The following SEC24A variants were observed in gnomAD, a reference collection of about 807,000 sequenced individuals.
The protein encoded by SEC24A is SEC24 homolog A, COPII component.
SEC24A carries 93 observed loss-of-function variants against 129.4 expected under a neutral mutation model. The observed-to-expected ratio is 0.72, with a 90% CI of 0.61 to 0.85. The LOEUF is 0.85. SEC24A is among the 40% of genes least tolerant of loss of function. SEC24A has a pLI of 0.00. For synonymous variants in SEC24A, 460 were observed against 467.3 expected, an observed-to-expected ratio of 0.98 and a Z score of 0.20; for missense variants, 1,264 against 1,307.4, an observed-to-expected ratio of 0.97 and a Z score of 0.51.
chr5:134,713,448 C>A (rs1369774888), intron 18 of SEC24A, among the ~76,000 whole-genome samples: 1 of 151,970 alleles, frequency 6.6e-6, no homozygotes, highest in Non-Finnish European at 1.5e-5. Flanking sequence ...ACATATTTTG[C>A]TTATTTTTAT....
intron 5 of SEC24A, 97 bp from the exon 6 acceptor site, chr5:134,674,948 A>G (rs1751006380): frequency 8.3e-7 from 1 of 1,198,314 alleles, no homozygotes; most frequent in Non-Finnish European, 1.1e-6. Flanking sequence ...AAGATTGGCC[A>G]AGAGATCTAG....
intron 15 of SEC24A, among the ~76,000 whole-genome samples, chr5:134,701,700 G>A (rs570474021): frequency 1.2e-3 from 183 of 151,778 alleles, no homozygotes; most frequent in African/African-American, 4.2e-3. Context: ...TAGTAGAGAC[G>A]GAGTTTCACC....
chr5:134,696,305 G>A (rs1011190879), intron 13 of SEC24A, among the ~76,000 whole-genome samples: 1 of 151,602 alleles, frequency 6.6e-6, no homozygotes, highest in African/African-American at 2.4e-5. Flanking sequence ...GAAAATGATA[G>A]CACTTACCTC....
intron 2 of SEC24A, among the ~76,000 whole-genome samples, chr5:134,662,883 A>G (rs1438219050): frequency 6.6e-6 from 1 of 152,158 alleles, no homozygotes; most frequent in East Asian, 1.9e-4. Flanking sequence ...GTGTGGTCCC[A>G]GCTACTCGGG....
At position 134,667,007 on chromosome 5, in the gene SEC24A, C is replaced by G. The variant is rs1374185176; in HGVS notation, c.739+11C>G. The G allele has an allele frequency of 2.0e-6, 3 of 1,531,530 alleles. No homozygotes were observed. Among genetic ancestry groups the G allele is most frequent in the Non-Finnish European group, 2.6e-6 (3 of 1,143,410 alleles). The allele number at this position is 1,531,530 out of a possible 1,614,324, so 94.9% of individuals were successfully genotyped here. A position where few individuals can be genotyped will look rare whatever the true frequency, so the allele number is the denominator to read the frequency against. ...CTGTCAACCAAGAAGGTAAGTGAAC[C>G]AAGAAACAAAGTCAAATCCTCAAGT... On this transcript the variant is annotated intron_variant, in intron 3 of 22. Coordinates refer to ENST00000398844, the MANE Select transcript of SEC24A (RefSeq NM_021982.3).
In SEC24A at chr5:134,727,166, C is replaced by G. The variant is rs991646820; in HGVS notation, c.*2072C>G. 2 of 151,968 alleles carry G rather than the reference C, an allele frequency of 1.3e-5. No individual in the cohort carries two copies. Among genetic ancestry groups the G allele is most frequent in the African/African-American group, 4.8e-5 (2 of 41,284 alleles). 9.4% of individuals were successfully genotyped at this position (151,968 alleles called of 1,614,324 possible). On this transcript the variant is annotated 3_prime_UTR_variant, in exon 23 of 23. Coordinates refer to ENST00000398844, the MANE Select transcript of SEC24A (RefSeq NM_021982.3). ...TTAGTTTGATTCTTTTTTTTTCCCCCAATAGGGCACTACCTGCCATATCAT... is the reference window on the plus strand; with the variant it reads ...TTAGTTTGATTCTTTTTTTTTCCCCGAATAGGGCACTACCTGCCATATCAT...
chr5:134,692,252 G>A (rs1378941452), intron 11 of SEC24A, among the ~76,000 whole-genome samples: 1 of 151,928 alleles, frequency 6.6e-6, no homozygotes, highest in Admixed American at 6.6e-5. Context: ...TTACTGTGTT[G>A]CCCAGGCTGG....
intron 13 of SEC24A, among the ~76,000 whole-genome samples, chr5:134,694,372 A>G (rs1199440719): frequency 1.3e-5 from 2 of 152,154 alleles, no homozygotes; most frequent in Non-Finnish European, 2.9e-5. Flanking sequence ...CTAAAAATAC[A>G]AAATTGGCTG....
intron 13 of SEC24A, among the ~76,000 whole-genome samples, chr5:134,694,542 G>C (rs909470517): frequency 7.9e-5 from 12 of 151,986 alleles, no homozygotes; most frequent in Non-Finnish European, 1.8e-4. Flanking sequence ...GCTACTTGGA[G>C]AGGCTGAGGC....
intron 1 of SEC24A, among the ~76,000 whole-genome samples, chr5:134,655,754 G>A (rs1230905623): frequency 6.6e-6 from 1 of 152,138 alleles, no homozygotes; most frequent in Non-Finnish European, 1.5e-5. Context: ...TTTCCGAGCT[G>A]CATTTGATAC....
chr5:134,656,115 C>T (rs1750234722), intron 1 of SEC24A, among the ~76,000 whole-genome samples: 1 of 143,922 alleles, frequency 6.9e-6, no homozygotes, highest in Admixed American at 7.2e-5. Context: ...CAGAGTCTTG[C>T]TCTGTTGCCC....
Position 134,705,349 on chromosome 5 carries a change from T to C in SEC24A, c.2463T>C (p.His821=). 1 of 1,613,684 alleles carries C rather than the reference T, an allele frequency of 6.2e-7. No homozygotes were observed. Among genetic ancestry groups the C allele is most frequent in the South Asian group, 1.1e-5 (1 of 91,046 alleles). Residue 821 remains histidine (H), a synonymous_variant, in exon 17 of 23, where the codon CAT becomes CAC. Coordinates refer to ENST00000398844, the MANE Select transcript of SEC24A (RefSeq NM_021982.3). ...AAGGCGAAAGAAGAATTCGTGTTCA[T>C]ACTTTGTGTTTGCCAGTAGTTTCGA... The part of the protein sequence containing the change: ...SSKGERRIRV[H]TLCLPVVSTL...
At chr5:134,718,023 A>C (rs754676024) in intron 19 of SEC24A, 46 bp from the exon 20 acceptor site, 3 of 1,430,492 alleles carry the variant, frequency 2.1e-6, no homozygotes, top group Non-Finnish European at 3.0e-6. Context: ...CTGTGACTCC[A>C]TATTTCCTAT....
chr5:134,654,219 A>T (rs4958256), intron 1 of SEC24A, among the ~76,000 whole-genome samples: 149,331 of 150,890 alleles, frequency 0.99, 73,905 homozygotes, highest in Non-Finnish European at 1. Flanking sequence ...AAAAAAAAAA[A>T]ATATATATAT....
intron 19 of SEC24A, 145 bp from the exon 20 acceptor site, chr5:134,717,924 A>G: frequency 1.7e-6 from 1 of 592,616 alleles, no homozygotes; most frequent in Non-Finnish European, 3.0e-6. Context: ...TCAAATAAAT[A>G]AATAAATAAA....
intron 8 of SEC24A, among the ~76,000 whole-genome samples, chr5:134,680,120 A>G (rs980981539): frequency 1.3e-5 from 2 of 152,172 alleles, no homozygotes; most frequent in Non-Finnish European, 2.9e-5. Context: ...CTGCTGAATG[A>G]AGGGAAGTAG....
chr5:134,703,680 C>A, intron 15 of SEC24A, 79 bp from the exon 16 acceptor site: 1 of 957,706 alleles, frequency 1.0e-6, no homozygotes, highest in Non-Finnish European at 1.6e-6. Flanking sequence ...TTTTGCCAAT[C>A]TGATAAGTAA....
intron 22 of SEC24A, among the ~76,000 whole-genome samples, chr5:134,724,668 C>T (rs540824286): frequency 1.3e-5 from 2 of 151,670 alleles, no homozygotes; most frequent in Non-Finnish European, 2.9e-5. Flanking sequence ...ATTTCCATAT[C>T]GTGGCTATTG....
At chr5:134,657,806 A>G (rs1750298694) in intron 1 of SEC24A, among the ~76,000 whole-genome samples, 1 of 152,088 alleles carries the variant, frequency 6.6e-6, no homozygotes, top group Non-Finnish European at 1.5e-5. Flanking sequence ...TGAACTCCTG[A>G]GGTCAAGCCG....
Sources: allele counts gnomAD v4.1 joint callset (sites outside exome capture counted in the v4.1 genomes callset), GRCh38; gene constraint gnomAD v4.1.1; transcripts MANE v1.5; gene names NCBI Gene and HGNC (gene_info 2026-07-23, HGNC 2026-07-21).